The following GATAD2B variants were observed in gnomAD, a reference collection of about 807,000 sequenced individuals.
GATAD2B encodes the protein transcriptional repressor p66-beta.
A neutral mutation model predicts 64.3 loss-of-function variants in GATAD2B; 8 were observed. The ratio of observed to expected loss-of-function variants is 0.12; its 90% confidence interval spans 0.07 to 0.22. The LOEUF is 0.22. Ranked by LOEUF, GATAD2B falls within the 10% of genes least tolerant of loss-of-function variation. The pLI is 1.00. For synonymous variants in GATAD2B, 281 were observed against 271.3 expected (o/e 1.04, Z -0.35); for missense variants, 453 against 752.0 (o/e 0.60, Z 4.65).
intron 1 of GATAD2B, among the ~76,000 whole-genome samples, chr1:153,848,841 C>T (rs908408707): frequency 5.3e-5 from 8 of 152,120 alleles, no homozygotes; most frequent in Non-Finnish European, 1.2e-4. Flanking sequence ...GTAATCCCAG[C>T]TACTCAGAAG....
intron 1 of GATAD2B, among the ~76,000 whole-genome samples, chr1:153,857,504 G>A (rs1353675408): frequency 1.3e-5 from 2 of 152,048 alleles, no homozygotes; most frequent in African/African-American, 4.8e-5. Context: ...GAAAACGGAT[G>A]CCCTTTTCTA....
At chr1:153,868,153 G>A (rs537539780) in intron 1 of GATAD2B, among the ~76,000 whole-genome samples, 183 of 151,796 alleles carry the variant, frequency 1.2e-3, no homozygotes, top group Non-Finnish European at 1.9e-3. Context: ...ATTGAGCTGA[G>A]ATCGTGCCAC....
At chr1:153,823,192 C>T (rs185202738) in intron 2 of GATAD2B, among the ~76,000 whole-genome samples, 5 of 152,266 alleles carry the variant, frequency 3.3e-5, no homozygotes, top group African/African-American at 9.6e-5. Flanking sequence ...ATATAATTTA[C>T]AATATTTGGG....
At chr1:153,863,709 C>T (rs979569860) in intron 1 of GATAD2B, among the ~76,000 whole-genome samples, 4 of 151,730 alleles carry the variant, frequency 2.6e-5, no homozygotes, top group African/African-American at 7.3e-5. Flanking sequence ...GTGCAACCTC[C>T]GCCTCCCAAG....
At chr1:153,871,344 C>A (rs893927723) in intron 1 of GATAD2B, among the ~76,000 whole-genome samples, 12 of 151,826 alleles carry the variant, frequency 7.9e-5, no homozygotes, top group Non-Finnish European at 1.6e-4. Context: ...GGATTACAGG[C>A]GTGAGCGACC....
intron 1 of GATAD2B, among the ~76,000 whole-genome samples, chr1:153,834,804 G>A (rs1227404028): frequency 6.6e-6 from 1 of 152,062 alleles, no homozygotes; most frequent in African/African-American, 2.4e-5. Context: ...GGTAGAAACA[G>A]CAAGAAAACT....
At chr1:153,815,097 A>AC in intron 7 of GATAD2B, among the ~76,000 whole-genome samples, 1 of 143,602 alleles carries the variant, frequency 7.0e-6, no homozygotes, top group Non-Finnish European at 1.5e-5. Flanking sequence ...AAAAAAAAAA[A>AC]AAAAAAAAAA....
intron 1 of GATAD2B, among the ~76,000 whole-genome samples, chr1:153,894,340 C>T (rs539337908): frequency 6.6e-6 from 1 of 151,832 alleles, no homozygotes; most frequent in Non-Finnish European, 1.5e-5. Context: ...TGGTGGCACA[C>T]GCCTGCAGTT....
intron 1 of GATAD2B, among the ~76,000 whole-genome samples, chr1:153,844,912 T>TAA (rs879602837): frequency 1.6e-5 from 2 of 124,594 alleles, no homozygotes; most frequent in African/African-American, 2.9e-5. Context: ...TAAAGTATAA[T>TAA]AAAAAAAAAA....
intron 1 of GATAD2B, among the ~76,000 whole-genome samples, chr1:153,894,464 T>C (rs1015673650): frequency 2.0e-5 from 3 of 151,484 alleles, no homozygotes; most frequent in Admixed American, 6.6e-5. Flanking sequence ...CAAGATTCTG[T>C]CTCAAAAAAC....
Position 153,809,178 on chromosome 1 carries a change from G to A in GATAD2B, c.*999C>T, listed in dbSNP as rs544986152. The A allele has an allele frequency of 3.3e-5, 5 of 152,292 alleles. No homozygotes were observed. The highest frequency in any genetic ancestry group is 1.2e-4 in the African/African-American group (5 of 41,562). 9.4% of individuals were successfully genotyped at this position (152,292 alleles called of 1,614,324 possible). ...ACAGCCGTTCCTCTGTATTATAGAT[G>A]GGGCTATGGTTAGAGGGGATAGATT... On this transcript the variant is annotated 3_prime_UTR_variant, in exon 11 of 11. Transcript: ENST00000368655.
intron 1 of GATAD2B, among the ~76,000 whole-genome samples, chr1:153,891,248 G>C (rs1677389123): frequency 1.3e-5 from 2 of 149,616 alleles, no homozygotes; most frequent in Admixed American, 1.4e-4. Context: ...GAAAGAAAGA[G>C]GTGAAAAAAA....
In GATAD2B at chr1:153,817,511, G is replaced by A; in HGVS notation, c.761C>T (p.Thr254Ile). ...AGACATCAACATGTGTGGAAGGGTG[G>A]TATTGGTAGCTGAACGGATGACACT... ...GHSVIRSATNTTLPHMLMSQR... is the reference protein window; with the variant it reads ...GHSVIRSATNITLPHMLMSQR... The change falls in exon 6 of 11, where the codon ACC becomes ATC. Residue 254 changes from threonine (T) to isoleucine (I), a missense_variant. Transcript: ENST00000368655. 7.5e-6 allele frequency: 12 copies of A among 1,608,452 alleles called. No individual in the cohort carries two copies. The highest frequency in any genetic ancestry group is 1.0e-5 in the Non-Finnish European group (12 of 1,177,998).
At chr1:153,905,768 C>CAAAAAAA (rs200353950) in intron 1 of GATAD2B, among the ~76,000 whole-genome samples, 1 of 116,122 alleles carries the variant, frequency 8.6e-6, no homozygotes. Flanking sequence ...ACCAGTCTCT[C>CAAAAAAA]AAACAAAAAA....
chr1:153,856,713 C>G (rs1676093221), intron 1 of GATAD2B, among the ~76,000 whole-genome samples: 1 of 151,988 alleles, frequency 6.6e-6, no homozygotes. Flanking sequence ...AGTTCAAGAT[C>G]TGGGCAACAT....
At chr1:153,911,282 G>C (rs966651566) in intron 1 of GATAD2B, among the ~76,000 whole-genome samples, 1 of 152,062 alleles carries the variant, frequency 6.6e-6, no homozygotes, top group African/African-American at 2.4e-5. Flanking sequence ...AAGAAAGACA[G>C]AGAGCAAGAG....
chr1:153,816,626 A>G lies in GATAD2B; in HGVS notation c.901-38T>C. 1 of 1,408,066 alleles carries G rather than the reference A, an allele frequency of 7.1e-7. No individual in the cohort carries two copies. Among genetic ancestry groups the G allele is most frequent in the Non-Finnish European group, 1.0e-6 (1 of 1,002,592 alleles). The allele number at this position is 1,408,066 out of a possible 1,614,324, so 87.2% of individuals were successfully genotyped here. ...GAGAATGCGGTCAATCATGGTATGCAGGAGAAAGGGCCAATTCTTACGTTC... is the reference window on the plus strand; with the variant it reads ...GAGAATGCGGTCAATCATGGTATGCGGGAGAAAGGGCCAATTCTTACGTTC... On this transcript the variant is annotated intron_variant, in intron 6 of 10. Coordinates refer to ENST00000368655, the MANE Select transcript of GATAD2B (RefSeq NM_020699.4). This position sits in a 1 kb window ranked among gnomAD's most constrained non-coding sequence, Gnocchi z 4.9.
intron 1 of GATAD2B, chr1:153,853,319 C>T (rs930677007): frequency 5.1e-6 from 4 of 786,392 alleles, no homozygotes; most frequent in Non-Finnish European, 9.2e-6. Context: ...CTGACATGGG[C>T]TGAGGACATG....
intron 1 of GATAD2B, among the ~76,000 whole-genome samples, chr1:153,834,553 G>C (rs544669817): frequency 1.1e-4 from 16 of 152,000 alleles, no homozygotes; most frequent in Admixed American, 3.9e-4. Flanking sequence ...CCCAGGCCCA[G>C]CTAATTTTGT....
Sources: gnomAD v4.1 joint callset for allele counts (sites outside exome capture counted in the v4.1 genomes callset) on GRCh38, gnomAD v4.1.1 for gene constraint, Gnocchi (gnomAD v3.1) non-coding constraint, MANE v1.5 for transcripts, NCBI Gene and HGNC (gene_info 2026-07-23, HGNC 2026-07-21) for gene names.